Variants in ST18 observed in about 807,000 individuals in gnomAD.
The protein encoded by ST18 is suppression of tumorigenicity 18 protein.
Under a neutral mutation model 110.0 loss-of-function variants are expected in ST18, and 50 were observed. The ratio of observed to expected loss-of-function variants is 0.45; its 90% CI spans 0.36 to 0.58. The LOEUF (loss-of-function observed/expected upper bound fraction) is 0.58. ST18 is among the 20% of genes least tolerant of loss of function. The pLI, the probability that ST18 is intolerant of heterozygous loss-of-function variation, is 0.00. For missense variants in ST18, 1,306 were observed against 1,280.1 expected (o/e 1.02, Z -0.31); for synonymous variants, 461 against 452.4 (o/e 1.02, Z -0.24).
chr8:52,115,680 C>A (rs369252650), intron 25 of ST18, among the ~76,000 whole-genome samples: 86 of 152,220 alleles, frequency 5.6e-4, no homozygotes, highest in African/African-American at 1.9e-3. Context: ...ATCAAAATTG[C>A]CTAAGGACAC....
At chr8:52,351,271 A>C (rs1436659730) in intron 2 of ST18, among the ~76,000 whole-genome samples, 1 of 152,224 alleles carries the variant, frequency 6.6e-6, no homozygotes, top group Non-Finnish European at 1.5e-5. Flanking sequence ...CTCCTGTTTC[A>C]AGTGACACTT....
intron 2 of ST18, among the ~76,000 whole-genome samples, chr8:52,238,956 T>G (rs2093069023): frequency 6.6e-6 from 1 of 152,054 alleles, no homozygotes; most frequent in Non-Finnish European, 1.5e-5. Context: ...ACTTCACCAC[T>G]GTGCAATATA....
At chr8:52,320,587 C>G (rs566914669) in intron 2 of ST18, among the ~76,000 whole-genome samples, 1 of 152,210 alleles carries the variant, frequency 6.6e-6, no homozygotes, top group African/African-American at 2.4e-5. Context: ...CTGGGACACC[C>G]AAATCCTGAA....
chr8:52,408,187 T>G (rs1021074929), intron 2 of ST18, among the ~76,000 whole-genome samples: 1 of 152,222 alleles, frequency 6.6e-6, no homozygotes, highest in African/African-American at 2.4e-5. Flanking sequence ...TAGGACCATG[T>G]TGCTAGGAAT....
intron 22 of ST18, among the ~76,000 whole-genome samples, chr8:52,130,581 G>T (rs2049177064): frequency 6.6e-6 from 1 of 152,172 alleles, no homozygotes; most frequent in South Asian, 2.1e-4. Flanking sequence ...AGATCCTCCG[G>T]GCATAAGTCT....
At chr8:52,285,773 G>T (rs149982983) in intron 2 of ST18, among the ~76,000 whole-genome samples, 1 of 152,262 alleles carries the variant, frequency 6.6e-6, no homozygotes, top group Admixed American at 6.5e-5. Context: ...TTTTCTAGTG[G>T]TCTTCAATGG....
At chr8:52,143,492 A>AT (rs57622864) in intron 16 of ST18, among the ~76,000 whole-genome samples, 1 of 152,114 alleles carries the variant, frequency 6.6e-6, no homozygotes, top group African/African-American at 2.4e-5. Context: ...TCAAAAAAAA[A>AT]GAAAAGAAAA....
chr8:52,162,739 A>G (rs1337112289), intron 13 of ST18, among the ~76,000 whole-genome samples: 1 of 152,198 alleles, frequency 6.6e-6, no homozygotes, highest in Non-Finnish European at 1.5e-5. Flanking sequence ...ATAAAACACA[A>G]ATGATTTTCT....
intron 2 of ST18, among the ~76,000 whole-genome samples, chr8:52,308,535 C>T (rs1202523373): frequency 6.6e-6 from 1 of 152,206 alleles, no homozygotes; most frequent in Non-Finnish European, 1.5e-5. Context: ...CTCCATTCTG[C>T]TCTTTCAGAG....
chr8:52,401,057 T>C (rs1342516151), intron 2 of ST18, among the ~76,000 whole-genome samples: 1 of 152,196 alleles, frequency 6.6e-6, no homozygotes, highest in Non-Finnish European at 1.5e-5. Context: ...AAGACTTTAT[T>C]TCTCCTTTAT....
At position 52,122,491 on chromosome 8, in the gene ST18, A is replaced by T. The variant is rs2045339435; in HGVS notation, c.2755+3561T>A. On this transcript the variant is annotated intron_variant, in intron 23 of 25. Coordinates refer to ENST00000689386, the MANE Select transcript of ST18 (RefSeq NM_001352837.2). ...ACTTCTATTATTTATTTATTTATTT[A>T]TTTATTTTTTAGATGGAGTCTCACT... is the stretch of plus-strand genomic sequence containing the variant. Among the ~76,000 whole-genome samples, 3 of 151,722 alleles carry T rather than the reference A, an allele frequency of 2.0e-5. No homozygotes were observed. The South Asian group carries it at 6.2e-4, about 32-fold the overall frequency.
chr8:52,159,253 A>C (rs1302663559), intron 14 of ST18, 144 bp from the exon 15 acceptor site: 1 of 769,852 alleles, frequency 1.3e-6, no homozygotes. Context: ...GGGAACATTA[A>C]ATGAAGGTTA....
At chr8:52,235,356 T>A (rs934098666) in intron 2 of ST18, among the ~76,000 whole-genome samples, 1 of 152,116 alleles carries the variant, frequency 6.6e-6, no homozygotes, top group African/African-American at 2.4e-5. Context: ...GAGTCCTAGT[T>A]CAGAGCTCAC....
intron 14 of ST18, among the ~76,000 whole-genome samples, chr8:52,159,683 G>T (rs941914290): frequency 1.3e-5 from 2 of 152,164 alleles, no homozygotes; most frequent in Non-Finnish European, 2.9e-5. Flanking sequence ...ATAGATGGTG[G>T]AGTCTTTAAT....
At chr8:52,229,267 A>G (rs2090574855) in intron 3 of ST18, among the ~76,000 whole-genome samples, 2 of 152,228 alleles carry the variant, frequency 1.3e-5, no homozygotes, top group South Asian at 4.1e-4. Context: ...AAAAGGCACA[A>G]AGGTCTTACA....
At chr8:52,192,339 C>T (rs143046805) in intron 8 of ST18, among the ~76,000 whole-genome samples, 4 of 152,236 alleles carry the variant, frequency 2.6e-5, no homozygotes, top group African/African-American at 9.6e-5. Context: ...GCCTTCTCTG[C>T]CTTCAGAGCC....
intron 8 of ST18, among the ~76,000 whole-genome samples, chr8:52,183,518 G>A (rs904935619): frequency 1.3e-5 from 2 of 152,158 alleles, no homozygotes; most frequent in African/African-American, 4.8e-5. Flanking sequence ...GATAATAAGA[G>A]TATGTGAAAT....
chr8:52,132,973 G>A (rs2050313365), intron 21 of ST18, 84 bp downstream of exon 21: 11 of 1,435,726 alleles, frequency 7.7e-6, no homozygotes, highest in African/African-American at 4.2e-5. Flanking sequence ...AACTCAATCC[G>A]TGTTCAATTG....
Position 52,341,870 on chromosome 8 carries a change from C to T in ST18, c.-465+67458G>A, listed in dbSNP as rs1197863458. On this transcript the variant is annotated intron_variant, in intron 2 of 25. Transcript: ENST00000689386. ...CTGCCTGGCCCAGGGGAGGGGACAG[C>T]TGGTGTGGAGGATCCCCTCATGGGC... Among the ~76,000 whole-genome samples the T allele has an allele frequency of 8.7e-4, 4 of 4,604 alleles. No individual in the cohort carries two copies. In the Non-Finnish European group the frequency reaches 0.062, roughly 72 times the overall value. The allele number at this position is 4,604 out of a possible 152,430, so 3.0% of individuals were successfully genotyped here.
Sources: gnomAD v4.1 joint callset for allele counts (sites outside exome capture counted in the v4.1 genomes callset) on GRCh38, gnomAD v4.1.1 for gene constraint, MANE v1.5 for transcripts, NCBI Gene and HGNC (gene_info 2026-07-23, HGNC 2026-07-21) for gene names.